Variants in IGF2BP3 observed in about 807,000 individuals in gnomAD.
IGF2BP3 encodes the protein insulin-like growth factor 2 mRNA-binding protein 3.
A neutral mutation model predicts 73.8 loss-of-function variants in IGF2BP3; 9 were observed. The ratio of observed to expected loss-of-function variants is 0.12; its 90% CI spans 0.07 to 0.21. The LOEUF is 0.21. IGF2BP3 is among the 10% of genes least tolerant of loss of function. IGF2BP3 has a pLI of 1.00. For missense variants in IGF2BP3, 542 were observed against 714.0 expected (o/e 0.76, Z 2.75); for synonymous variants, 258 against 256.7 (o/e 1.01, Z -0.05).
At chr7:23,370,835 G>A (rs1287029040) in intron 3 of IGF2BP3, among the ~76,000 whole-genome samples, 3 of 151,776 alleles carry the variant, frequency 2.0e-5, no homozygotes, top group East Asian at 1.9e-4. Flanking sequence ...GTGCCACCAC[G>A]CCCAGCTAAT....
intron 3 of IGF2BP3, among the ~76,000 whole-genome samples, chr7:23,411,982 C>G: frequency 7.3e-6 from 1 of 137,524 alleles, no homozygotes; most frequent in South Asian, 2.2e-4. Flanking sequence ...CCACTTATTT[C>G]TCTTTTTTTT....
In IGF2BP3 at chr7:23,437,848, T is replaced by A. The variant is rs77425801; in HGVS notation, c.237-19024A>T. Among the ~76,000 whole-genome samples the A allele has an allele frequency of 8.1e-3, 1,238 of 152,290 alleles. 12 individuals carry two copies. Among genetic ancestry groups the A allele is most frequent in the Non-Finnish European group, 0.012 (794 of 68,018 alleles). On this transcript the variant is annotated intron_variant, in intron 2 of 14. Transcript: ENST00000258729. The stretch of plus-strand genomic sequence containing the variant: ...CCACTGTACCCTTACACCAAACAAG[T>A]GAGGTCAATTTAAGACTCCCATTTT...
intron 2 of IGF2BP3, among the ~76,000 whole-genome samples, chr7:23,437,271 C>G (rs1384928648): frequency 6.6e-6 from 1 of 151,950 alleles, no homozygotes; most frequent in East Asian, 1.9e-4. Flanking sequence ...CACCTAAGGT[C>G]AGCAGTTCAA....
intron 10 of IGF2BP3, among the ~76,000 whole-genome samples, chr7:23,323,758 T>A (rs899229498): frequency 6.6e-6 from 1 of 152,168 alleles, no homozygotes; most frequent in African/African-American, 2.4e-5. Flanking sequence ...AACTCAGGAT[T>A]AAGAAACTCA....
chr7:23,457,014 A>C (rs1316576615), intron 2 of IGF2BP3, among the ~76,000 whole-genome samples: 1 of 152,080 alleles, frequency 6.6e-6, no homozygotes, highest in African/African-American at 2.4e-5. Flanking sequence ...GCGCCACTGC[A>C]CTCCAGCCCA....
chr7:23,312,385 G>C lies in IGF2BP3; in HGVS notation c.1717C>G (p.Pro573Ala), dbSNP rs778350619. 66 of 1,612,710 alleles carry C rather than the reference G, an allele frequency of 4.1e-5. No individual in the cohort carries two copies. The highest frequency in any genetic ancestry group is 5.4e-5 in the Non-Finnish European group (64 of 1,179,700). ...HQQQKALQSG[P>A]PQSRRK ...CTTTACTTCCGTCTTGACTGAGGTG[G>C]TCCACTTTGCAGAGCCTTCTGTTGT... Residue 573 changes from proline to alanine, a missense_variant, in exon 15 of 15, where the codon CCA becomes GCA. This residue lies in a region of IGF2BP3 where 303 missense variants were observed against 472.1 expected (regional missense o/e 0.64). Transcript: ENST00000258729.
intron 3 of IGF2BP3, among the ~76,000 whole-genome samples, chr7:23,389,156 C>T (rs1786187095): frequency 8.1e-6 from 1 of 124,206 alleles, no homozygotes; most frequent in Admixed American, 9.6e-5. Flanking sequence ...GAGAATTATT[C>T]CCTTTTTTTT....
chr7:23,406,380 G>A (rs1256555293), intron 3 of IGF2BP3, among the ~76,000 whole-genome samples: 9 of 152,154 alleles, frequency 5.9e-5, no homozygotes, highest in Non-Finnish European at 8.8e-5. Context: ...CTTCCAGTGG[G>A]TTCTCGGTCT....
intron 2 of IGF2BP3, among the ~76,000 whole-genome samples, chr7:23,426,515 C>T (rs1421487206): frequency 6.6e-6 from 1 of 152,120 alleles, no homozygotes; most frequent in Non-Finnish European, 1.5e-5. Context: ...GCTTATGACT[C>T]TAGTCTTATA....
intron 3 of IGF2BP3, among the ~76,000 whole-genome samples, chr7:23,407,022 T>C (rs577523371): frequency 2.0e-5 from 3 of 151,844 alleles, no homozygotes; most frequent in African/African-American, 4.8e-5. Flanking sequence ...ATAAAACAGA[T>C]AAAGCTCTGC....
intron 2 of IGF2BP3, among the ~76,000 whole-genome samples, chr7:23,419,225 G>A (rs1787276908): frequency 6.6e-6 from 1 of 152,124 alleles, no homozygotes; most frequent in South Asian, 2.1e-4. Flanking sequence ...AAAATTCAGG[G>A]AAATAAAAAT....
chr7:23,430,544 C>G (rs1364275163), intron 2 of IGF2BP3, among the ~76,000 whole-genome samples: 1 of 152,330 alleles, frequency 6.6e-6, no homozygotes, highest in Non-Finnish European at 1.5e-5. Flanking sequence ...CGAACTAAAC[C>G]TATGTCCAAA....
chr7:23,371,941 G>A (rs886804430), intron 3 of IGF2BP3, among the ~76,000 whole-genome samples: 1 of 152,182 alleles, frequency 6.6e-6, no homozygotes, highest in Non-Finnish European at 1.5e-5. Context: ...TGGAAAAACC[G>A]AATCCAGAGC....
intron 3 of IGF2BP3, among the ~76,000 whole-genome samples, chr7:23,363,781 G>A (rs567303074): frequency 5.3e-5 from 8 of 152,292 alleles, no homozygotes; most frequent in East Asian, 3.9e-4. Flanking sequence ...AGGAAATCCT[G>A]GTATATCTTA....
At chr7:23,391,364 T>A (rs1325351289) in intron 3 of IGF2BP3, among the ~76,000 whole-genome samples, 1 of 152,130 alleles carries the variant, frequency 6.6e-6, no homozygotes, top group Non-Finnish European at 1.5e-5. Context: ...CCTCCCAAAG[T>A]GCTGGGATTA....
chr7:23,365,565 A>C (rs1231100620), intron 3 of IGF2BP3: 2 of 152,336 alleles, frequency 1.3e-5, no homozygotes, highest in African/African-American at 4.8e-5. Flanking sequence ...AACTTAAAAA[A>C]AATCGGGGGA....
chr7:23,310,242 C>G lies in IGF2BP3; in HGVS notation c.*2120G>C, dbSNP rs1284959951. 6.6e-6 allele frequency: 1 copy of G among 152,182 alleles called. No homozygotes were observed. Among genetic ancestry groups the G allele is most frequent in the Non-Finnish European group, 1.5e-5 (1 of 68,036 alleles). The allele number at this position is 152,182 out of a possible 1,614,324, so 9.4% of individuals were successfully genotyped here. Reference sequence around the variant, plus strand: ...AATGATGAAAAAATTTATTCTGCGTCAAGGTATCTGGAAAATGAAGCTGCA... The same window carrying G: ...AATGATGAAAAAATTTATTCTGCGTGAAGGTATCTGGAAAATGAAGCTGCA... On this transcript the variant is annotated 3_prime_UTR_variant, in exon 15 of 15. Coordinates refer to ENST00000258729, the MANE Select transcript of IGF2BP3 (RefSeq NM_006547.3).
In IGF2BP3 at chr7:23,403,662, A is replaced by G. The variant is rs960270600; in HGVS notation, c.285+15114T>C. On this transcript the variant is annotated intron_variant, in intron 3 of 14. Transcript: ENST00000258729. ...GTTTAGATACAGTAGCAGCTAAAAA[A>G]GGAGGTTCTGCCTAGTTTAAATCCT... 7.9e-5 allele frequency among the ~76,000 whole-genome samples: 12 copies of G among 152,372 alleles called. No individual in the cohort carries two copies. In the East Asian group the frequency reaches 2.3e-3, roughly 29 times the overall value.
chr7:23,364,932 G>A (rs1024248953), intron 3 of IGF2BP3, among the ~76,000 whole-genome samples: 12 of 152,220 alleles, frequency 7.9e-5, no homozygotes, highest in Admixed American at 2.6e-4. Context: ...TTGGGAGGCC[G>A]AGGCAGGTGG....
Sources: gnomAD v4.1 joint callset for allele counts (sites outside exome capture counted in the v4.1 genomes callset) on GRCh38, gnomAD v4.1.1 for gene constraint, gnomAD v4.1.1 regional missense constraint, MANE v1.5 for transcripts, NCBI Gene and HGNC (gene_info 2026-07-23, HGNC 2026-07-21) for gene names.